ATM: variants seen among roughly 807,000 people sequenced by gnomAD.
The protein encoded by ATM is ATM serine/threonine kinase.
ATM carries 308 observed loss-of-function variants against 387.0 expected under a neutral mutation model. The observed-to-expected ratio is 0.80, with a 90% confidence interval of 0.73 to 0.87. The LOEUF is 0.87. Ranked by LOEUF, ATM falls within the 40% of genes least tolerant of loss-of-function variation. The pLI is 0.00. For synonymous variants in ATM, 1,156 were observed against 1,187.3 expected (o/e 0.97, Z 0.54); for missense variants, 3,312 against 3,560.9 (o/e 0.93, Z 1.78).
intron 18 of ATM, among the ~76,000 whole-genome samples, chr11:108,268,875 A>G (rs1182182667): frequency 6.6e-6 from 1 of 152,242 alleles, no homozygotes; most frequent in East Asian, 1.9e-4. Flanking sequence ...AATTAGGCTA[A>G]GAAACATAGA....
At chr11:108,312,554 T>G in intron 40 of ATM, 56 bp downstream of exon 40, 1 of 1,304,852 alleles carries the variant, frequency 7.7e-7, no homozygotes, top group Admixed American at 1.7e-5. Context: ...CTTTGGGTTA[T>G]TTTGTTATAG....
At chr11:108,249,215 C>T (rs1271238878) in intron 9 of ATM, 113 bp downstream of exon 9, 13 of 1,208,378 alleles carry the variant, frequency 1.1e-5, no homozygotes, top group South Asian at 1.2e-5. Context: ...CATTTGTCTA[C>T]CCCCAAACCT....
At position 108,328,537 on chromosome 11, in the gene ATM, C is replaced by T. The variant is rs4988119; in HGVS notation, c.7090-484C>T. ...CTGGCATTACAGGCTTGAGCCACCA[C>T]ACCCAGCCTGATTGTCTTTAAATTT... On this transcript the variant is annotated intron_variant, in intron 48 of 62. Transcript: ENST00000675843. Among the ~76,000 whole-genome samples, 391 of 152,334 alleles carry T rather than the reference C, an allele frequency of 2.6e-3. 2 individuals carry two copies. The highest frequency in any genetic ancestry group is 9.1e-3 in the African/African-American group (378 of 41,578).
At chr11:108,236,095 G>T in intron 5 of ATM, 2 of 470,156 alleles carry the variant, frequency 4.3e-6, no homozygotes, top group South Asian at 4.3e-5. Flanking sequence ...TCGTCAAGGA[G>T]TTGACAGTGG....
Position 108,263,262 on chromosome 11 carries a change from G to C in ATM, c.2467-3909G>C, listed in dbSNP as rs200348877. ...AAAGCTCTCCTCAGCAAATGTAAAAGAACAGAAATTATAACAAACTATCTC... is the reference window on the plus strand; with the variant it reads ...AAAGCTCTCCTCAGCAAATGTAAAACAACAGAAATTATAACAAACTATCTC... On this transcript the variant is annotated intron_variant, in intron 16 of 62. Transcript: ENST00000675843. 9.2e-3 allele frequency among the ~76,000 whole-genome samples: 1,262 copies of C among 137,760 alleles called. 16 individuals carry two copies. The highest frequency in any genetic ancestry group is 0.031 in the African/African-American group (1,134 of 36,098). 90.4% of individuals were successfully genotyped at this position (137,760 alleles called of 152,430 possible). A position where few individuals can be genotyped will look rare whatever the true frequency, so the allele number is the denominator to read the frequency against.
At chr11:108,240,729 G>A (rs922674878) in intron 5 of ATM, among the ~76,000 whole-genome samples, 1 of 152,100 alleles carries the variant, frequency 6.6e-6, no homozygotes, top group Non-Finnish European at 1.5e-5. Flanking sequence ...TGCAGGACTG[G>A]AAGTTGCTCT....
intron 11 of ATM, among the ~76,000 whole-genome samples, chr11:108,252,401 T>C (rs1056112653): frequency 6.6e-6 from 1 of 152,112 alleles, no homozygotes; most frequent in Non-Finnish European, 1.5e-5. Flanking sequence ...GTTTTATGAA[T>C]GAGGTGAGGA....
intron 16 of ATM, among the ~76,000 whole-genome samples, chr11:108,265,473 A>G (rs1424627859): frequency 6.6e-6 from 1 of 152,224 alleles, no homozygotes; most frequent in East Asian, 1.9e-4. Flanking sequence ...ACCTGATAGA[A>G]AAATCAATTC....
intron 11 of ATM, among the ~76,000 whole-genome samples, chr11:108,252,415 G>C (rs191029261): frequency 4.4e-4 from 67 of 152,248 alleles, no homozygotes; most frequent in African/African-American, 1.6e-3. Flanking sequence ...GTGAGGAAAC[G>C]AGGAAGACAA....
chr11:108,293,894 A>AAAT (rs1491178678), intron 31 of ATM, among the ~76,000 whole-genome samples: 17 of 83,702 alleles, frequency 2.0e-4, no homozygotes, highest in South Asian at 5.0e-4. Flanking sequence ...AAAAAAAAAA[A>AAAT]ATATATATAT....
intron 46 of ATM, 86 bp from the exon 47 acceptor site, chr11:108,325,972 T>C (rs1202744951): frequency 4.1e-6 from 6 of 1,471,296 alleles, no homozygotes; most frequent in Non-Finnish European, 5.6e-6. Flanking sequence ...CAATGAATGG[T>C]AGTTGCTGCT....
intron 50 of ATM, 38 bp downstream of exon 50, chr11:108,330,459 G>A: frequency 1.9e-6 from 3 of 1,599,508 alleles, no homozygotes; most frequent in Non-Finnish European, 2.6e-6. Context: ...CCCTGTGCTT[G>A]AAAAACTTAG....
Position 108,258,998 on chromosome 11 carries a change from A to C in ATM, c.2389A>C (p.Lys797Gln). The C allele has an allele frequency of 6.2e-7, 1 of 1,613,610 alleles. No homozygotes were observed. Among genetic ancestry groups the C allele is most frequent in the Non-Finnish European group, 8.5e-7 (1 of 1,179,712 alleles). Reference protein sequence around the residue: ...LSNCTKKSPNKIASGFFLRLL... With the variant: ...LSNCTKKSPNQIASGFFLRLL... Reference sequence around the variant, plus strand: ...GTCTTAATTGCAGAAGAGTCCAAATAAGATTGCATCTGGCTTTTTCCTGCG... The same window carrying C: ...GTCTTAATTGCAGAAGAGTCCAAATCAGATTGCATCTGGCTTTTTCCTGCG... The change falls in exon 16 of 63, where the codon AAG (lysine) becomes CAG (glutamine). Residue 797 changes from lysine (K) to glutamine (Q), a missense_variant. Physicochemically the swap from Lys to Gln is moderately conservative, Grantham distance 53 (BLOSUM62 1). Transcript: ENST00000675843.
At chr11:108,258,840 A>G in intron 15 of ATM, 146 bp from the exon 16 acceptor site, 1 of 667,648 alleles carries the variant, frequency 1.5e-6, no homozygotes, top group Non-Finnish European at 2.7e-6. Flanking sequence ...ACTCTAAGAA[A>G]AGATGTGTTT....
At chr11:108,267,033 T>A in intron 16 of ATM, 138 bp from the exon 17 acceptor site, 3 of 802,792 alleles carry the variant, frequency 3.7e-6, no homozygotes, top group Non-Finnish European at 6.2e-6. Context: ...CGACCTCAGG[T>A]GATCCACCTG....
At chr11:108,267,857 CA>C (rs1196159082) in intron 17 of ATM, among the ~76,000 whole-genome samples, 2 of 152,016 alleles carry the variant, frequency 1.3e-5, no homozygotes, top group East Asian at 3.9e-4. Context: ...GACTCCGTCT[CA>C]AAAAAAGAAA....
chr11:108,316,229 T>G, intron 42 of ATM, 116 bp downstream of exon 42: 1 of 1,037,590 alleles, frequency 9.6e-7, no homozygotes, highest in Non-Finnish European at 1.5e-6. Context: ...CTAGAACTTA[T>G]CTGTTTTTCA....
At chr11:108,330,107 G>A in intron 49 of ATM, 107 bp from the exon 50 acceptor site, 2 of 1,262,744 alleles carry the variant, frequency 1.6e-6, no homozygotes, top group Non-Finnish European at 2.2e-6. Flanking sequence ...TTTTTTCCCT[G>A]GGATAAAAAC....
intron 4 of ATM, chr11:108,231,587 T>C (rs2079013263): frequency 6.6e-6 from 1 of 150,884 alleles, no homozygotes; most frequent in African/African-American, 2.4e-5. Flanking sequence ...TCCCAGCTTC[T>C]CGAGAAGCTG....
Sources: gnomAD v4.1 joint callset for allele counts (sites outside exome capture counted in the v4.1 genomes callset) on GRCh38, gnomAD v4.1.1 for gene constraint, MANE v1.5 for transcripts, NCBI Gene and HGNC (gene_info 2026-07-23, HGNC 2026-07-21) for gene names.